Variants in NRG1 observed in about 807,000 individuals in gnomAD.
NRG1 encodes neuregulin 1, also known as pro-neuregulin-1, membrane-bound isoform.
A neutral mutation model predicts 63.8 loss-of-function variants in NRG1; 18 were observed. The observed-to-expected ratio is 0.28, with a 90% CI of 0.19 to 0.42. The LOEUF is 0.42. Among genes scored for constraint, NRG1 ranks in the 10% least tolerant of loss-of-function variants. NRG1 has a pLI of 1.00. For missense variants in NRG1, 762 were observed against 814.7 expected (o/e 0.94, Z 0.79); for synonymous variants, 302 against 301.3 (o/e 1.00, Z -0.02).
chr8:31,900,998 C>CT (rs916607056), intron 1 of NRG1, among the ~76,000 whole-genome samples: 3 of 151,906 alleles, frequency 2.0e-5, no homozygotes, highest in Non-Finnish European at 2.9e-5. Context: ...TACAATTTCT[C>CT]TTTTTTTTCC....
intron 1 of NRG1, among the ~76,000 whole-genome samples, chr8:32,560,102 T>A (rs780251781): frequency 6.6e-6 from 1 of 152,166 alleles, no homozygotes; most frequent in Non-Finnish European, 1.5e-5. Flanking sequence ...AGGACATCAA[T>A]AAATGTTCAT....
At chr8:32,447,638 G>A (rs1332399249) in intron 1 of NRG1, among the ~76,000 whole-genome samples, 1 of 152,132 alleles carries the variant, frequency 6.6e-6, no homozygotes, top group Non-Finnish European at 1.5e-5. Context: ...GGAAGTTGAG[G>A]AGAGAGGATC....
At chr8:31,682,917 C>G (rs1808489446) in intron 1 of NRG1, among the ~76,000 whole-genome samples, 3 of 152,056 alleles carry the variant, frequency 2.0e-5, no homozygotes, top group Admixed American at 2.0e-4. Flanking sequence ...CAGGGGAACC[C>G]CCACGCTTTT....
chr8:32,499,575 G>C (rs1827614331), intron 1 of NRG1, among the ~76,000 whole-genome samples: 1 of 152,144 alleles, frequency 6.6e-6, no homozygotes, highest in South Asian at 2.1e-4. Context: ...TCAGGAGGCT[G>C]AGGTGGACGG....
chr8:32,159,375 A>T (rs555702096), intron 1 of NRG1, among the ~76,000 whole-genome samples: 53 of 151,394 alleles, frequency 3.5e-4, no homozygotes, highest in African/African-American at 1.2e-3. Context: ...TCTACTAAAA[A>T]TACAAAAAAT....
At chr8:32,469,798 A>C (rs1241750995) in intron 1 of NRG1, among the ~76,000 whole-genome samples, 1 of 152,230 alleles carries the variant, frequency 6.6e-6, no homozygotes, top group Non-Finnish European at 1.5e-5. Flanking sequence ...AAATTAATTA[A>C]GGAATAAGAT....
intron 1 of NRG1, among the ~76,000 whole-genome samples, chr8:31,898,639 G>C (rs1477944795): frequency 6.6e-6 from 1 of 152,172 alleles, no homozygotes; most frequent in Non-Finnish European, 1.5e-5. Flanking sequence ...AGGAGGCAGA[G>C]GTTGCAGTGA....
chr8:32,613,252 C>G (rs112102049), intron 3 of NRG1, among the ~76,000 whole-genome samples: 3 of 152,006 alleles, frequency 2.0e-5, no homozygotes, highest in Non-Finnish European at 4.4e-5. Flanking sequence ...GGATCATCCA[C>G]ACTTAATTTG....
intron 1 of NRG1, among the ~76,000 whole-genome samples, chr8:31,930,900 A>T (rs1191887078): frequency 2.6e-5 from 4 of 152,160 alleles, no homozygotes; most frequent in Admixed American, 2.0e-4. Flanking sequence ...TCTGAATATT[A>T]GATTGTTTCT....
chr8:32,392,721 T>C (rs1811933123), intron 1 of NRG1, among the ~76,000 whole-genome samples: 1 of 152,198 alleles, frequency 6.6e-6, no homozygotes, highest in African/African-American at 2.4e-5. Flanking sequence ...ACTTCAGTGT[T>C]GTTTAGTTAC....
chr8:31,939,309 C>T (rs2129620874), intron 1 of NRG1, among the ~76,000 whole-genome samples: 1 of 152,184 alleles, frequency 6.6e-6, no homozygotes. Flanking sequence ...TTCAGCAAAA[C>T]TAAGCTTCGT....
At chr8:31,701,418 A>G (rs1180615024) in intron 1 of NRG1, among the ~76,000 whole-genome samples, 1 of 152,216 alleles carries the variant, frequency 6.6e-6, no homozygotes, top group Non-Finnish European at 1.5e-5. Context: ...AAAAGCTCTT[A>G]TGAACATACA....
At chr8:32,182,246 G>T (rs180839914) in intron 1 of NRG1, among the ~76,000 whole-genome samples, 1 of 151,738 alleles carries the variant, frequency 6.6e-6, no homozygotes, top group South Asian at 2.1e-4. Context: ...TGTGGAAAAT[G>T]ATACACAATT....
chr8:31,946,672 G>A (rs1295388113), intron 1 of NRG1, among the ~76,000 whole-genome samples: 1 of 152,108 alleles, frequency 6.6e-6, no homozygotes, highest in Non-Finnish European at 1.5e-5. Flanking sequence ...CTAGCCTATG[G>A]CGGCTGTCAT....
intron 1 of NRG1, among the ~76,000 whole-genome samples, chr8:31,851,716 T>C (rs1048635032): frequency 5.3e-5 from 8 of 150,346 alleles, no homozygotes; most frequent in Non-Finnish European, 1.2e-4. Flanking sequence ...CACTAACTCG[T>C]CATCTAGCAT....
intron 1 of NRG1, among the ~76,000 whole-genome samples, chr8:31,741,603 C>T (rs964888775): frequency 1.3e-5 from 2 of 151,620 alleles, no homozygotes; most frequent in South Asian, 2.1e-4. Flanking sequence ...TCCTAATGGC[C>T]GATAAACATT....
intron 1 of NRG1, among the ~76,000 whole-genome samples, chr8:31,918,234 G>T (rs954493778): frequency 6.6e-6 from 1 of 152,134 alleles, no homozygotes; most frequent in Non-Finnish European, 1.5e-5. Flanking sequence ...ACTTCCAACA[G>T]TATGTTGAAT....
intron 1 of NRG1, among the ~76,000 whole-genome samples, chr8:32,403,278 C>T (rs1210432961): frequency 1.4e-4 from 18 of 124,984 alleles, no homozygotes; most frequent in East Asian, 1.2e-3. Flanking sequence ...CCAGCCTGGG[C>T]GACAGAGCGA....
chr8:31,967,879 C>T (rs1806623349), intron 1 of NRG1, among the ~76,000 whole-genome samples: 1 of 152,190 alleles, frequency 6.6e-6, no homozygotes, highest in Non-Finnish European at 1.5e-5. Flanking sequence ...AGACACTGGT[C>T]ATAGTTGTTA....
Sources: allele counts gnomAD v4.1 joint callset (sites outside exome capture counted in the v4.1 genomes callset), GRCh38; gene constraint gnomAD v4.1.1; transcripts MANE v1.5; gene names NCBI Gene and HGNC (gene_info 2026-07-23, HGNC 2026-07-21).